The following SYT16 variants were observed in gnomAD, a reference collection of about 807,000 sequenced individuals.
SYT16 encodes synaptotagmin-16.
In SYT16, 42 loss-of-function variants were observed where a neutral mutation model predicts 61.4. That is an observed-to-expected ratio of 0.68 (90% CI 0.53 to 0.89). The LOEUF (loss-of-function observed/expected upper bound fraction) is 0.89, where lower values mean the gene tolerates loss of function less well. SYT16 is among the 40% of genes least tolerant of loss of function. SYT16 has a pLI of 0.00. For synonymous variants in SYT16, 314 were observed against 302.3 expected, an observed-to-expected ratio of 1.04 and a Z score of -0.40; for missense variants, 804 against 807.3, an observed-to-expected ratio of 1.00 and a Z score of 0.05.
chr14:61,849,289 T>G (rs1213876156), intron 1 of SYT16, among the ~76,000 whole-genome samples: 8 of 152,184 alleles, frequency 5.3e-5, no homozygotes, highest in African/African-American at 1.9e-4. Flanking sequence ...GGGGGAGGGC[T>G]GACTGGCACA....
chr14:61,970,571 G>A (rs2051503280), intron 2 of SYT16, among the ~76,000 whole-genome samples: 1 of 152,150 alleles, frequency 6.6e-6, no homozygotes, highest in Admixed American at 6.5e-5. Flanking sequence ...GCCTTGATGC[G>A]TTTTAGTCTC....
intron 1 of SYT16, among the ~76,000 whole-genome samples, chr14:61,931,180 C>T (rs1048473390): frequency 6.6e-6 from 1 of 152,018 alleles, no homozygotes. Flanking sequence ...TATGCAGCAC[C>T]TCAACTTTGT....
intron 3 of SYT16, among the ~76,000 whole-genome samples, chr14:62,062,297 G>C (rs2055859748): frequency 6.6e-6 from 1 of 150,952 alleles, no homozygotes; most frequent in East Asian, 1.9e-4. Context: ...TTCTCTATTT[G>C]AGGGGGGGAT....
intron 7 of SYT16, among the ~76,000 whole-genome samples, chr14:62,098,050 C>T (rs2057322407): frequency 6.6e-6 from 1 of 152,240 alleles, no homozygotes; most frequent in South Asian, 2.1e-4. Flanking sequence ...AGTGTAATTT[C>T]ACACCTTGTG....
chr14:61,987,668 A>G (rs775587188), intron 2 of SYT16, among the ~76,000 whole-genome samples: 4 of 152,160 alleles, frequency 2.6e-5, no homozygotes, highest in Non-Finnish European at 4.4e-5. Flanking sequence ...TGCAAATTAC[A>G]AGGAAAACGA....
intron 3 of SYT16, among the ~76,000 whole-genome samples, chr14:62,019,669 A>G (rs960220194): frequency 3.3e-5 from 5 of 152,160 alleles, no homozygotes; most frequent in African/African-American, 1.2e-4. Context: ...TTGCTTCTTC[A>G]TGGGGTACGT....
At chr14:62,024,595 G>A (rs2054031592) in intron 3 of SYT16, among the ~76,000 whole-genome samples, 1 of 151,862 alleles carries the variant, frequency 6.6e-6, no homozygotes, top group Non-Finnish European at 1.5e-5. Context: ...CACCAGAGTG[G>A]TAGATTTATT....
At chr14:62,078,293 A>G (rs1595363546) in intron 5 of SYT16, among the ~76,000 whole-genome samples, 1 of 152,098 alleles carries the variant, frequency 6.6e-6, no homozygotes, top group Non-Finnish European at 1.5e-5. Flanking sequence ...TGAGTATTGG[A>G]TACGAGTTAA....
intron 1 of SYT16, among the ~76,000 whole-genome samples, chr14:61,895,451 T>C (rs2140346566): frequency 6.6e-6 from 1 of 152,352 alleles, no homozygotes; most frequent in Middle Eastern, 3.4e-3. Context: ...AATCTTTTTC[T>C]TGTTCAAGCT....
chr14:61,988,929 T>G (rs2052432145), intron 2 of SYT16, among the ~76,000 whole-genome samples: 1 of 152,138 alleles, frequency 6.6e-6, no homozygotes, highest in Admixed American at 6.6e-5. Flanking sequence ...GAATTTGGAA[T>G]TCAACAAAGG....
At chr14:61,903,837 G>C (rs1008856931) in intron 1 of SYT16, among the ~76,000 whole-genome samples, 20 of 152,356 alleles carry the variant, frequency 1.3e-4, no homozygotes, top group Middle Eastern at 3.4e-3. Flanking sequence ...CTGCCAGCCA[G>C]TGGCAGGAGC....
rs370834559 is a variant in SYT16, at chr14:61,831,938, C to T, written c.-325+19128C>T. ...CAGGGGTTCACCTCATGTCCAGCAT[C>T]CTCTTGGTCTGCATGGGCACCCACT... On this transcript the variant is annotated intron_variant, in intron 1 of 7. Transcript: ENST00000683842. 8.0e-5 allele frequency: 43 copies of T among 534,638 alleles called. 1 individual carries two copies. The highest frequency in any genetic ancestry group is 7.5e-4 in the South Asian group (42 of 55,936). 33.1% of individuals were successfully genotyped at this position (534,638 alleles called of 1,614,324 possible).
intron 3 of SYT16, among the ~76,000 whole-genome samples, chr14:61,997,945 A>G (rs1039467121): frequency 1.3e-5 from 2 of 152,046 alleles, no homozygotes; most frequent in Non-Finnish European, 2.9e-5. Flanking sequence ...GGACCATGCC[A>G]TAGATTCATC....
At chr14:61,866,376 A>G (rs72716792) in intron 1 of SYT16, among the ~76,000 whole-genome samples, 3,394 of 152,214 alleles carry the variant, frequency 0.022, 54 homozygotes, top group Non-Finnish European at 0.032. Context: ...ACCATTTTGT[A>G]TTCTCCCTAG....
intron 3 of SYT16, among the ~76,000 whole-genome samples, chr14:61,998,579 GTTGA>G (rs1355359516): frequency 6.6e-6 from 1 of 151,888 alleles, no homozygotes; most frequent in Non-Finnish European, 1.5e-5. Context: ...GCACCAGTTT[GTTGA>G]TTGATCAGTT....
intron 1 of SYT16, among the ~76,000 whole-genome samples, chr14:61,937,333 TGAAAA>T (rs1457512329): frequency 3.9e-5 from 6 of 152,262 alleles, no homozygotes; most frequent in African/African-American, 1.2e-4. Flanking sequence ...AGTGAGTTCT[TGAAAA>T]GAAAAGGCGA....
At chr14:61,983,225 A>G (rs2052160359) in intron 2 of SYT16, among the ~76,000 whole-genome samples, 1 of 152,160 alleles carries the variant, frequency 6.6e-6, no homozygotes, top group South Asian at 2.1e-4. Context: ...TCTTAGCCTG[A>G]CAGATTAAAG....
chr14:61,819,386 A>C (rs1336539289), intron 1 of SYT16, among the ~76,000 whole-genome samples: 1 of 152,096 alleles, frequency 6.6e-6, no homozygotes, highest in Non-Finnish European at 1.5e-5. Flanking sequence ...TGCATATTAC[A>C]AAAAAAATTT....
chr14:62,011,924 C>CATATATATAT (rs71449575), intron 3 of SYT16, among the ~76,000 whole-genome samples: 25 of 87,046 alleles, frequency 2.9e-4, no homozygotes, highest in African/African-American at 1.2e-3. Flanking sequence ...CACACACACA[C>CATATATATAT]ACATATATAT....
Sources: gnomAD v4.1 joint callset for allele counts (sites outside exome capture counted in the v4.1 genomes callset) on GRCh38, gnomAD v4.1.1 for gene constraint, MANE v1.5 for transcripts, NCBI Gene and HGNC (gene_info 2026-07-23, HGNC 2026-07-21) for gene names.